NBEA: variants seen among roughly 807,000 people sequenced by gnomAD.
NBEA encodes the protein lysosomal-trafficking regulator 2.
A neutral mutation model predicts 343.4 loss-of-function variants in NBEA; 44 were observed. The observed-to-expected ratio is 0.13, with a 90% CI of 0.10 to 0.16. The LOEUF is 0.16. NBEA is among the 10% of genes least tolerant of loss of function. The pLI, the probability that NBEA is intolerant of heterozygous loss-of-function variation, is 1.00. For missense variants in NBEA, 2,555 were observed against 3,631.3 expected (o/e 0.70, Z 7.62); for synonymous variants, 1,175 against 1,238.7 (o/e 0.95, Z 1.08).
Position 35,157,159 on chromosome 13 carries a change from G to A in NBEA, c.2733G>A (p.Lys911=). Reference sequence around the variant, plus strand: ...ATCCTAAAAATTCTGAGGAACAGAAGATTACCGAAATGGTCTACAATATCT... The same window carrying A: ...ATCCTAAAAATTCTGAGGAACAGAAAATTACCGAAATGGTCTACAATATCT... ...YINPKNSEEQ[K]ITEMVYNIFR... The change falls in exon 21 of 59, where the codon AAG becomes AAA. Residue 911 remains lysine (K), a synonymous_variant. Transcript: ENST00000379939. 6.2e-7 allele frequency: 1 copy of A among 1,609,630 alleles called. No homozygotes were observed. The highest frequency in any genetic ancestry group is 1.1e-5 in the South Asian group (1 of 89,932).
At chr13:35,169,809 A>G (rs563117783) in intron 25 of NBEA, among the ~76,000 whole-genome samples, 2 of 151,884 alleles carry the variant, frequency 1.3e-5, no homozygotes, top group East Asian at 3.9e-4. Context: ...ATGGTCATAG[A>G]TTTTTAATTG....
At chr13:35,372,538 G>A (rs183097963) in intron 38 of NBEA, among the ~76,000 whole-genome samples, 17 of 152,222 alleles carry the variant, frequency 1.1e-4, no homozygotes, top group Admixed American at 4.6e-4. Flanking sequence ...GGGTTTTTCC[G>A]CAGCCCCCCA....
intron 55 of NBEA, among the ~76,000 whole-genome samples, chr13:35,662,982 G>T (rs1566479054): frequency 6.6e-6 from 1 of 152,052 alleles, no homozygotes; most frequent in Non-Finnish European, 1.5e-5. Flanking sequence ...TACTTTTTTA[G>T]AGATTTAATT....
intron 38 of NBEA, among the ~76,000 whole-genome samples, chr13:35,422,562 G>C (rs552263152): frequency 6.6e-6 from 1 of 152,116 alleles, no homozygotes; most frequent in East Asian, 1.9e-4. Flanking sequence ...TGGACATTTG[G>C]GTTGGTTCCA....
chr13:35,123,648 T>C (rs1436301911), intron 17 of NBEA, 74 bp downstream of exon 17: 2 of 906,014 alleles, frequency 2.2e-6, no homozygotes, highest in Non-Finnish European at 1.5e-6. Context: ...TTCTATGTAA[T>C]GTAGCATGAA....
At chr13:35,123,126 T>C (rs1397640847) in intron 16 of NBEA, among the ~76,000 whole-genome samples, 7 of 152,180 alleles carry the variant, frequency 4.6e-5, no homozygotes, top group African/African-American at 1.7e-4. Flanking sequence ...ACCTCACCTC[T>C]ATATTAAAAT....
intron 55 of NBEA, among the ~76,000 whole-genome samples, chr13:35,664,008 G>C (rs1052019732): frequency 3.3e-5 from 5 of 152,182 alleles, no homozygotes; most frequent in African/African-American, 1.2e-4. Flanking sequence ...TCTTAAGGAA[G>C]GGGCTCTTGG....
chr13:34,955,000 T>A (rs970588529), intron 1 of NBEA, among the ~76,000 whole-genome samples: 2 of 152,050 alleles, frequency 1.3e-5, no homozygotes, highest in Non-Finnish European at 2.9e-5. Context: ...GGAGTCAGAG[T>A]GTTTTTGGAT....
At chr13:35,158,949 G>T in intron 21 of NBEA, 67 bp from the exon 22 acceptor site, 1 of 1,302,114 alleles carries the variant, frequency 7.7e-7, no homozygotes, top group Non-Finnish European at 1.0e-6. Flanking sequence ...AATTTAATTT[G>T]TATTATTTAG....
intron 36 of NBEA, among the ~76,000 whole-genome samples, chr13:35,344,763 T>A (rs1435270510): frequency 6.6e-6 from 1 of 152,082 alleles, no homozygotes; most frequent in African/African-American, 2.4e-5. Context: ...ATCAGTAAAA[T>A]TTCTTCCTGT....
intron 34 of NBEA, among the ~76,000 whole-genome samples, chr13:35,283,622 G>A (rs2035210570): frequency 6.6e-6 from 1 of 152,126 alleles, no homozygotes; most frequent in Non-Finnish European, 1.5e-5. Context: ...TCAAAGAAAG[G>A]TAATAAGTGC....
chr13:35,118,996 A>G (rs1339048868), intron 16 of NBEA, among the ~76,000 whole-genome samples: 2 of 152,136 alleles, frequency 1.3e-5, no homozygotes. Flanking sequence ...TGATGTAGCA[A>G]TATCAGCAGG....
chr13:35,617,699 C>G (rs1421273257), intron 48 of NBEA, among the ~76,000 whole-genome samples: 2 of 152,164 alleles, frequency 1.3e-5, no homozygotes, highest in East Asian at 3.9e-4. Context: ...TGAAGTTTTC[C>G]TTCATAGCAC....
At chr13:35,305,164 C>G (rs2152828990) in intron 35 of NBEA, among the ~76,000 whole-genome samples, 1 of 152,196 alleles carries the variant, frequency 6.6e-6, no homozygotes, top group East Asian at 1.9e-4. Context: ...AGTGAATTGC[C>G]TCTTCGCTCT....
At chr13:35,376,120 T>G (rs928660312) in intron 38 of NBEA, among the ~76,000 whole-genome samples, 1 of 152,156 alleles carries the variant, frequency 6.6e-6, no homozygotes, top group African/African-American at 2.4e-5. Context: ...GTTATTTCCA[T>G]GATCTAAAGG....
intron 2 of NBEA, 134 bp from the exon 3 acceptor site, chr13:35,044,813 T>A: frequency 2.4e-6 from 1 of 416,680 alleles, no homozygotes. Flanking sequence ...CTGTATTAGA[T>A]ACATATATAT....
At chr13:35,165,948 G>A (rs867355809) in intron 24 of NBEA, among the ~76,000 whole-genome samples, 3 of 152,032 alleles carry the variant, frequency 2.0e-5, no homozygotes, top group Non-Finnish European at 2.9e-5. Context: ...ACCTCCCAAA[G>A]TGCAGGGATT....
At chr13:35,323,209 A>T (rs1314501918) in intron 36 of NBEA, among the ~76,000 whole-genome samples, 3 of 152,170 alleles carry the variant, frequency 2.0e-5, no homozygotes, top group Non-Finnish European at 4.4e-5. Context: ...CCATCCCATT[A>T]CTGGGTATAT....
intron 38 of NBEA, among the ~76,000 whole-genome samples, chr13:35,414,860 G>T (rs1237664534): frequency 6.6e-6 from 1 of 152,150 alleles, no homozygotes; most frequent in African/African-American, 2.4e-5. Context: ...GTGTAAAAGT[G>T]TTCCTATTTC....
Sources: allele counts gnomAD v4.1 joint callset (sites outside exome capture counted in the v4.1 genomes callset), GRCh38; gene constraint gnomAD v4.1.1; transcripts MANE v1.5; gene names NCBI Gene and HGNC (gene_info 2026-07-23, HGNC 2026-07-21).